CTTNBP2: variants seen among roughly 807,000 people sequenced by gnomAD.
CTTNBP2 encodes cortactin binding protein 2, also known as cortactin-binding protein 2.
CTTNBP2 carries 108 observed loss-of-function variants against 156.9 expected under a neutral mutation model. The observed-to-expected ratio is 0.69, with a 90% CI of 0.59 to 0.81. CTTNBP2 has a LOEUF of 0.81. Among genes scored for constraint, CTTNBP2 ranks in the 30% least tolerant of loss-of-function variants. The pLI is 0.00. For synonymous variants in CTTNBP2, 767 were observed against 751.8 expected, an observed-to-expected ratio of 1.02 and a Z score of -0.33; for missense variants, 1,924 against 2,035.4, an observed-to-expected ratio of 0.95 and a Z score of 1.05.
In CTTNBP2 at chr7:117,711,671, C is replaced by CT; in HGVS notation, c.4857dup (p.Val1620SerfsTer16). On this transcript the variant is annotated frameshift_variant, in exon 23 of 23. Transcript: ENST00000160373. LOFTEE classifies it high-confidence loss of function. ...TTGGTGTTCTGGGAACACTGGGTGA[C>CT]TTTACTTCTAGGAACAGGAAGAAAA... The CT allele has an allele frequency of 6.2e-7, 1 of 1,614,008 alleles. No homozygotes were observed. Among genetic ancestry groups the CT allele is most frequent in the Non-Finnish European group, 8.5e-7 (1 of 1,179,944 alleles).
intron 12 of CTTNBP2, among the ~76,000 whole-genome samples, chr7:117,753,696 C>G (rs1368844760): frequency 1.3e-5 from 2 of 152,004 alleles, no homozygotes; most frequent in Admixed American, 1.3e-4. Context: ...TAAGTGGGAG[C>G]TGAATGATGA....
chr7:117,722,257 GTTTT>G (rs34399167), intron 19 of CTTNBP2, among the ~76,000 whole-genome samples: 2 of 140,650 alleles, frequency 1.4e-5, no homozygotes, highest in African/African-American at 2.5e-5. Context: ...TCCTGTGTTG[GTTTT>G]TTTTTTTTTT....
chr7:117,743,711 G>A (rs983814688), intron 14 of CTTNBP2, among the ~76,000 whole-genome samples: 32 of 127,038 alleles, frequency 2.5e-4, no homozygotes, highest in African/African-American at 9.3e-4. Flanking sequence ...GCAGTGAGCC[G>A]AGATCGTGCC....
At chr7:117,838,333 A>T (rs116843825) in intron 2 of CTTNBP2, among the ~76,000 whole-genome samples, 1,542 of 152,302 alleles carry the variant, frequency 0.01, 9 homozygotes, top group Middle Eastern at 0.02. Context: ...TTCCGATCTC[A>T]TAAAATGGGG....
In CTTNBP2 at chr7:117,734,105, C is replaced by A. The variant is rs537317022; in HGVS notation, c.3876+808G>T. 5.3e-5 allele frequency among the ~76,000 whole-genome samples: 8 copies of A among 152,280 alleles called. No homozygotes were observed. The East Asian group carries it at 1.5e-3, about 29-fold the overall frequency. On this transcript the variant is annotated intron_variant, in intron 16 of 22. Transcript: ENST00000160373. ...CACACTGCAGTCTTGACGGGAGGGTCAACAGACTCCCCTGGACCTGGGACC... is the reference window on the plus strand; with the variant it reads ...CACACTGCAGTCTTGACGGGAGGGTAAACAGACTCCCCTGGACCTGGGACC...
chr7:117,749,772 A>G (rs1304627109), intron 12 of CTTNBP2, among the ~76,000 whole-genome samples: 1 of 152,134 alleles, frequency 6.6e-6, no homozygotes, highest in African/African-American at 2.4e-5. Context: ...ACCTAATTTC[A>G]GGTAGGCCTC....
chr7:117,718,651 C>T (rs1335729183), intron 21 of CTTNBP2, among the ~76,000 whole-genome samples: 2 of 152,158 alleles, frequency 1.3e-5, no homozygotes, highest in African/African-American at 2.4e-5. Flanking sequence ...TGATGCTGTC[C>T]ATGTTTTCTG....
At chr7:117,842,506 T>C (rs1802337151) in intron 2 of CTTNBP2, among the ~76,000 whole-genome samples, 1 of 151,296 alleles carries the variant, frequency 6.6e-6, no homozygotes, top group African/African-American at 2.4e-5. Flanking sequence ...ACCGGCAAAA[T>C]AGTCTTGCAT....
chr7:117,831,017 G>A (rs1004645100), intron 2 of CTTNBP2, among the ~76,000 whole-genome samples: 8 of 151,998 alleles, frequency 5.3e-5, no homozygotes, highest in Non-Finnish European at 7.4e-5. Flanking sequence ...GGGTTAAAGT[G>A]TAATTCTAAC....
intron 12 of CTTNBP2, 103 bp downstream of exon 12, chr7:117,756,452 G>GT (rs1273362173): frequency 2.4e-6 from 2 of 849,910 alleles, no homozygotes; most frequent in African/African-American, 1.7e-5. Context: ...AGAGCACAGG[G>GT]TGGGGGGGCT....
intron 6 of CTTNBP2, among the ~76,000 whole-genome samples, chr7:117,780,846 G>A (rs1798393389): frequency 1.3e-5 from 2 of 152,056 alleles, no homozygotes; most frequent in Admixed American, 1.3e-4. Flanking sequence ...CCTGCTTTAT[G>A]ACACTTCCCT....
intron 1 of CTTNBP2, among the ~76,000 whole-genome samples, chr7:117,869,494 G>A (rs907808495): frequency 2.6e-5 from 4 of 152,056 alleles, no homozygotes; most frequent in East Asian, 1.9e-4. Context: ...AACTCTCCTC[G>A]GAGGAGGAGG....
At chr7:117,720,943 AC>A in intron 20 of CTTNBP2, 123 bp downstream of exon 20, 1 of 725,294 alleles carries the variant, frequency 1.4e-6, no homozygotes, top group Admixed American at 2.3e-5. Context: ...GACATATATA[AC>A]TTTTTTAAAA....
intron 2 of CTTNBP2, among the ~76,000 whole-genome samples, chr7:117,830,516 C>T (rs973154519): frequency 2.0e-5 from 3 of 152,160 alleles, no homozygotes; most frequent in Non-Finnish European, 4.4e-5. Flanking sequence ...ATCTTTCCTC[C>T]TTGCTCTTAG....
intron 2 of CTTNBP2, among the ~76,000 whole-genome samples, chr7:117,827,906 T>C (rs1209989536): frequency 6.6e-6 from 1 of 152,170 alleles, no homozygotes; most frequent in Non-Finnish European, 1.5e-5. Flanking sequence ...CCCAGGACAT[T>C]AAGAGCGAAT....
intron 3 of CTTNBP2, among the ~76,000 whole-genome samples, chr7:117,808,941 C>T (rs1381571635): frequency 5.9e-5 from 9 of 152,260 alleles, no homozygotes; most frequent in African/African-American, 2.2e-4. Context: ...CTATAATCTA[C>T]TAAAATATAA....
rs148829510 is a variant in CTTNBP2 at position 117,725,067 on chromosome 7, G to T, written c.4246C>A (p.Pro1416Thr). ...ACCCACATACCTGCTCTGGGGAGGGGACAGCCATGCAGTACAGCTTTATTT... is the reference window on the plus strand; with the variant it reads ...ACCCACATACCTGCTCTGGGGAGGGTACAGCCATGCAGTACAGCTTTATTT... ...LLNKAVLHGC[P>T]LPRAELDQHT... is the part of the protein sequence containing the mutation. Residue 1416 changes from proline (P) to threonine (T), a missense_variant, in exon 18 of 23, where the codon CCC (proline) becomes ACC (threonine). Physicochemically the swap from Pro to Thr is conservative, Grantham distance 38. Transcript: ENST00000160373. 1.5e-4 allele frequency: 235 copies of T among 1,612,280 alleles called. No individual in the cohort carries two copies. The highest frequency in any genetic ancestry group is 1.9e-4 in the Non-Finnish European group (219 of 1,179,984).
At chr7:117,778,669 GC>G (rs1038337898) in intron 7 of CTTNBP2, among the ~76,000 whole-genome samples, 26 of 152,246 alleles carry the variant, frequency 1.7e-4, no homozygotes, top group Middle Eastern at 6.8e-3. Context: ...AGTTTGACAA[GC>G]GTTATTCTGG....
At chr7:117,844,771 C>T (rs1227901660) in intron 2 of CTTNBP2, among the ~76,000 whole-genome samples, 2 of 151,902 alleles carry the variant, frequency 1.3e-5, no homozygotes, top group Non-Finnish European at 1.5e-5. Flanking sequence ...TTTGCCAGAG[C>T]GAGGGGAGGA....
Sources: gnomAD v4.1 joint callset for allele counts (sites outside exome capture counted in the v4.1 genomes callset) on GRCh38, gnomAD v4.1.1 for gene constraint, MANE v1.5 for transcripts, NCBI Gene and HGNC (gene_info 2026-07-23, HGNC 2026-07-21) for gene names.